The following PRKAG2 variants were observed in gnomAD, a reference collection of about 807,000 sequenced individuals.
The protein encoded by PRKAG2 is protein kinase AMP-activated non-catalytic subunit gamma 2.
In PRKAG2, 26 loss-of-function variants were observed where a neutral mutation model predicts 69.6. That is an observed-to-expected ratio of 0.37 (90% CI 0.27 to 0.52). The LOEUF (loss-of-function observed/expected upper bound fraction) is 0.52. Ranked by LOEUF, PRKAG2 falls within the 20% of genes least tolerant of loss-of-function variation. The probability of loss-of-function intolerance (pLI) is 0.90; values close to 1 mark genes in which losing one functional copy is unlikely to be tolerated. For synonymous variants in PRKAG2, 293 were observed against 285.0 expected (o/e 1.03, Z -0.28); for missense variants, 557 against 740.0 (o/e 0.75, Z 2.87).
intron 6 of PRKAG2, among the ~76,000 whole-genome samples, chr7:151,580,346 C>CA (rs1485744385): frequency 4.0e-5 from 6 of 151,174 alleles, no homozygotes; most frequent in Admixed American, 6.6e-5. Flanking sequence ...GACTCCATCT[C>CA]AAAAAAAATA....
chr7:151,560,136 CT>C, intron 15 of PRKAG2: 1 of 985,114 alleles, frequency 1.0e-6, no homozygotes, highest in Non-Finnish European at 1.2e-6. Flanking sequence ...TTTTTTTTCT[CT>C]TTAAGGAAAG....
chr7:151,559,057 C>A (rs1357824912), intron 15 of PRKAG2: 1 of 985,270 alleles, frequency 1.0e-6, no homozygotes. Flanking sequence ...AAGCTATATA[C>A]CTGTGGGGAT....
chr7:151,844,280 T>C (rs536645022), intron 1 of PRKAG2, among the ~76,000 whole-genome samples: 1 of 152,212 alleles, frequency 6.6e-6, no homozygotes, highest in South Asian at 2.1e-4. Flanking sequence ...TTCTGTAAAA[T>C]GGGAAGATCA....
intron 14 of PRKAG2, 115 bp from the exon 15 acceptor site, chr7:151,560,732 G>A: frequency 1.5e-6 from 2 of 1,344,216 alleles, no homozygotes; most frequent in Admixed American, 2.0e-5. Context: ...CTCCAGCCTG[G>A]GGAATAGCAG....
chr7:151,699,301 G>A lies in PRKAG2; in HGVS notation c.467-23664C>T, dbSNP rs941033911. On this transcript the variant is annotated intron_variant, in intron 3 of 15. Coordinates refer to ENST00000287878, the MANE Select transcript of PRKAG2 (RefSeq NM_016203.4). The surrounding 1 kb of genome is among the most constrained non-coding windows in gnomAD (Gnocchi z 4.5). Reference sequence around the variant, plus strand: ...TTGCCTCCCTCCCTGCGGTCAGGCTGCCTGCAGGCCTAGTCCCAGCAGATC... The same window carrying A: ...TTGCCTCCCTCCCTGCGGTCAGGCTACCTGCAGGCCTAGTCCCAGCAGATC... Among the ~76,000 whole-genome samples the A allele has an allele frequency of 3.9e-5, 6 of 152,216 alleles. No individual in the cohort carries two copies. The highest frequency in any genetic ancestry group is 1.4e-4 in the African/African-American group (6 of 41,458).
chr7:151,747,918 CTTT>C (rs34915377), intron 3 of PRKAG2, among the ~76,000 whole-genome samples: 83 of 114,214 alleles, frequency 7.3e-4, no homozygotes, highest in African/African-American at 1.8e-3. Flanking sequence ...AAAAAACTTA[CTTT>C]TTTTTTTTTT....
chr7:151,854,749 C>T (rs1032647113), intron 1 of PRKAG2, among the ~76,000 whole-genome samples: 1 of 152,296 alleles, frequency 6.6e-6, no homozygotes. Flanking sequence ...CCTTAGGGCG[C>T]GCCTCCTGTG....
chr7:151,741,076 G>A (rs565039020), intron 3 of PRKAG2, among the ~76,000 whole-genome samples: 6 of 152,154 alleles, frequency 3.9e-5, no homozygotes, highest in South Asian at 2.1e-4. Context: ...CACCTGGTGC[G>A]GTGGCTCACA....
At chr7:151,819,524 C>G (rs2078719892) in intron 1 of PRKAG2, among the ~76,000 whole-genome samples, 1 of 152,126 alleles carries the variant, frequency 6.6e-6, no homozygotes, top group Non-Finnish European at 1.5e-5. Flanking sequence ...AATAGTTCGC[C>G]CCCCTGCCCC....
rs182383388 is a variant in PRKAG2, at chr7:151,657,654, A to G, written c.684+17766T>C. Among the ~76,000 whole-genome samples, 3 of 152,272 alleles carry G rather than the reference A, an allele frequency of 2.0e-5. No individual in the cohort carries two copies. In the East Asian group the frequency reaches 5.8e-4, roughly 29 times the overall value. On this transcript the variant is annotated intron_variant, in intron 4 of 15. Coordinates refer to ENST00000287878, the MANE Select transcript of PRKAG2 (RefSeq NM_016203.4). ...CAGGACTGTTGTGAGAATGAACTGA[A>G]CTTGTGTGTGGCTGGCCCATAACAG...
intron 3 of PRKAG2, among the ~76,000 whole-genome samples, chr7:151,724,020 C>T (rs574428128): frequency 2.3e-4 from 35 of 152,290 alleles, no homozygotes; most frequent in Middle Eastern, 3.4e-3. Flanking sequence ...CCTGCCCTTA[C>T]GGCAAATCAA....
intron 3 of PRKAG2, among the ~76,000 whole-genome samples, chr7:151,733,622 C>T (rs1158142181): frequency 1.3e-5 from 2 of 151,938 alleles, no homozygotes; most frequent in African/African-American, 2.4e-5. Context: ...CTTTTTAGAC[C>T]GTGTTAGTGA....
intron 3 of PRKAG2, among the ~76,000 whole-genome samples, chr7:151,689,485 T>C (rs1011731758): frequency 6.6e-6 from 1 of 152,172 alleles, no homozygotes; most frequent in African/African-American, 2.4e-5. Flanking sequence ...GTGGGCCACG[T>C]GGGGTATGGG....
At chr7:151,813,696 C>T (rs975172412) in intron 1 of PRKAG2, among the ~76,000 whole-genome samples, 19 of 152,128 alleles carry the variant, frequency 1.2e-4, no homozygotes, top group African/African-American at 2.2e-4. Context: ...TGACAGCCCA[C>T]GGTTCAGCCA....
intron 3 of PRKAG2, among the ~76,000 whole-genome samples, chr7:151,731,535 T>TGTGTGTGTGTGTGTGTGTGTGTGC (rs10689682): frequency 5.0e-4 from 76 of 151,696 alleles, no homozygotes; most frequent in African/African-American, 1.7e-3. Context: ...TGTGTGTGTG[T>TGTGTGTGTGTGTGTGTGTGTGTGC]GCGCACAGGT....
intron 5 of PRKAG2, among the ~76,000 whole-genome samples, chr7:151,629,845 C>G (rs1823954584): frequency 6.6e-6 from 1 of 152,070 alleles, no homozygotes; most frequent in Non-Finnish European, 1.5e-5. Flanking sequence ...CAAGGGCTCC[C>G]TATTATGTAG....
chr7:151,626,783 CCCCT>C (rs2151299723), intron 5 of PRKAG2, among the ~76,000 whole-genome samples: 1 of 142,308 alleles, frequency 7.0e-6, no homozygotes, highest in East Asian at 1.9e-4. Context: ...TCATTATACT[CCCCT>C]CCCTGAGTCT....
intron 5 of PRKAG2, among the ~76,000 whole-genome samples, chr7:151,618,218 C>T (rs1248880012): frequency 2.6e-5 from 4 of 151,890 alleles, no homozygotes; most frequent in African/African-American, 7.3e-5. Flanking sequence ...TTTGGGAGGC[C>T]GAGGCAGGCA....
chr7:151,793,712 G>A (rs1302177960), intron 1 of PRKAG2, among the ~76,000 whole-genome samples: 1 of 152,240 alleles, frequency 6.6e-6, no homozygotes, highest in Non-Finnish European at 1.5e-5. Context: ...CACGGGGGAG[G>A]TGCCTCTGGA....
Sources: gnomAD v4.1 joint callset for allele counts (sites outside exome capture counted in the v4.1 genomes callset) on GRCh38, gnomAD v4.1.1 for gene constraint, Gnocchi (gnomAD v3.1) non-coding constraint, MANE v1.5 for transcripts, NCBI Gene and HGNC (gene_info 2026-07-23, HGNC 2026-07-21) for gene names.